Variants in POU6F1 observed in about 807,000 individuals in gnomAD.
POU6F1 encodes POU class 6 homeobox 1, also known as POU domain, class 6, transcription factor 1.
A neutral mutation model predicts 28.9 loss-of-function variants in POU6F1; 9 were observed. That is an observed-to-expected ratio of 0.31 (90% CI 0.19 to 0.54). The LOEUF is 0.54. Among genes scored for constraint, POU6F1 ranks in the 20% least tolerant of loss-of-function variants. POU6F1 has a pLI of 0.94. For synonymous variants in POU6F1, 173 were observed against 171.1 expected, an observed-to-expected ratio of 1.01 and a Z score of -0.09; for missense variants, 338 against 426.1, an observed-to-expected ratio of 0.79 and a Z score of 1.82.
At chr12:51,195,881 G>A in intron 8 of POU6F1, 89 bp downstream of exon 8, 1 of 1,380,128 alleles carries the variant, frequency 7.2e-7, no homozygotes. Flanking sequence ...AGTTTCAGAA[G>A]ATGCTGTCCT....
chr12:51,216,508 A>C (rs1455774340), intron 1 of POU6F1, among the ~76,000 whole-genome samples: 4 of 152,180 alleles, frequency 2.6e-5, no homozygotes, highest in Non-Finnish European at 4.4e-5. Flanking sequence ...CATGGCACTG[A>C]GTGGGTATTT....
chr12:51,190,672 C>T lies in POU6F1; in HGVS notation c.1491-80G>A. Reference sequence around the variant, plus strand: ...CACACCCCGCACCTAGGTGCAGGCTCCATCCTCAAGGGGCCGCTCCTCTAG... The same window carrying T: ...CACACCCCGCACCTAGGTGCAGGCTTCATCCTCAAGGGGCCGCTCCTCTAG... On this transcript the variant is annotated intron_variant, in intron 10 of 10. Coordinates refer to ENST00000333640, the MANE Select transcript of POU6F1 (RefSeq NM_001330422.2). The surrounding 1 kb of genome is among the most constrained non-coding windows in gnomAD (Gnocchi z 4.5). 1 of 1,543,870 alleles carries T rather than the reference C, an allele frequency of 6.5e-7. No individual in the cohort carries two copies. The highest frequency in any genetic ancestry group is 8.7e-7 in the Non-Finnish European group (1 of 1,148,618).
chr12:51,197,321 G>A (rs1463203958), intron 6 of POU6F1, among the ~76,000 whole-genome samples: 4 of 152,138 alleles, frequency 2.6e-5, no homozygotes, highest in African/African-American at 9.7e-5. Context: ...AAGTAACTCG[G>A]GTTAATCTTT....
intron 8 of POU6F1, 33 bp from the exon 9 acceptor site, chr12:51,192,504 C>T (rs1471037409): frequency 1.2e-6 from 2 of 1,604,486 alleles, no homozygotes; most frequent in Admixed American, 3.4e-5. Flanking sequence ...CCTTTGCTGC[C>T]CTCTGCCAGG....
At chr12:51,203,387 C>T (rs759771916) in intron 3 of POU6F1, among the ~76,000 whole-genome samples, 1 of 152,106 alleles carries the variant, frequency 6.6e-6, no homozygotes, top group Non-Finnish European at 1.5e-5. Flanking sequence ...CCTGCCTGGT[C>T]CCCAGGGCAC....
chr12:51,198,882 C>T (rs1592159153), intron 4 of POU6F1, 107 bp from the exon 5 acceptor site: 3 of 397,356 alleles, frequency 7.5e-6, no homozygotes, highest in Non-Finnish European at 4.4e-6. Flanking sequence ...ACAAAGCATT[C>T]TGAGGGCGAT....
rs1379151525 is a variant in POU6F1 at position 51,189,194 on chromosome 12, C to T, written c.*1053G>A. The T allele has an allele frequency of 1.3e-5, 2 of 152,176 alleles. No individual in the cohort carries two copies. The highest frequency in any genetic ancestry group is 6.5e-5 in the Admixed American group (1 of 15,270). 9.4% of individuals were successfully genotyped at this position (152,176 alleles called of 1,614,324 possible). A position where few individuals can be genotyped will look rare whatever the true frequency, so the allele number is the denominator to read the frequency against. ...CACAAGAGACCTTCCTGGGCTCCAT[C>T]ATTTATTTCAGGATGTTGTCCTTTC... On this transcript the variant is annotated 3_prime_UTR_variant, in exon 11 of 11. Transcript: ENST00000333640.
At chr12:51,210,922 A>G (rs1460148951) in intron 1 of POU6F1, among the ~76,000 whole-genome samples, 6 of 152,200 alleles carry the variant, frequency 3.9e-5, no homozygotes, top group African/African-American at 4.8e-5. Context: ...ACAAGTAGAC[A>G]CTCAGCATTT....
intron 1 of POU6F1, chr12:51,207,629 A>G (rs1019746236): frequency 1.3e-5 from 2 of 152,244 alleles, no homozygotes; most frequent in Non-Finnish European, 2.9e-5. Context: ...CACCTGGAGC[A>G]CTTAGTAAAA....
chr12:51,212,935 T>G (rs1213918213), intron 1 of POU6F1, among the ~76,000 whole-genome samples: 1 of 151,932 alleles, frequency 6.6e-6, no homozygotes, highest in Non-Finnish European at 1.5e-5. Context: ...AATGACCTAA[T>G]GCAGTTGTTT....
Position 51,189,260 on chromosome 12 carries a change from C to T in POU6F1, c.*987G>A, listed in dbSNP as rs1258145865. On this transcript the variant is annotated 3_prime_UTR_variant, in exon 11 of 11. Coordinates refer to ENST00000333640, the MANE Select transcript of POU6F1 (RefSeq NM_001330422.2). ...GTCTGGTTTATTGTTTAATTTGCTC[C>T]TTTTGAGAAGGCCCCAGTATTGGGT... 1 of 152,066 alleles carries T rather than the reference C, an allele frequency of 6.6e-6. No individual in the cohort carries two copies. Among genetic ancestry groups the T allele is most frequent in the Non-Finnish European group, 1.5e-5 (1 of 68,024 alleles). 9.4% of individuals were successfully genotyped at this position (152,066 alleles called of 1,614,324 possible). A position where few individuals can be genotyped will look rare whatever the true frequency, so the allele number is the denominator to read the frequency against.
chr12:51,196,203 T>G (rs1592149748), intron 7 of POU6F1, 30 bp from the exon 8 acceptor site: 1 of 1,456,356 alleles, frequency 6.9e-7, no homozygotes, highest in Non-Finnish European at 9.1e-7. Context: ...GGACCCCAGG[T>G]GTGAGGGTAG....
At chr12:51,191,931 T>G (rs1252509831) in intron 9 of POU6F1, among the ~76,000 whole-genome samples, 167 bp from the exon 10 acceptor site, 3 of 151,940 alleles carry the variant, frequency 2.0e-5, no homozygotes, top group African/African-American at 7.3e-5. Context: ...CAAGCAAGAG[T>G]TGAAGGGGCC....
At chr12:51,205,125 A>AC (rs1236323549) in intron 2 of POU6F1, among the ~76,000 whole-genome samples, 11 of 125,902 alleles carry the variant, frequency 8.7e-5, no homozygotes, top group South Asian at 2.5e-4. Flanking sequence ...TGCCAGCTCC[A>AC]CCCCCCCGGG....
In POU6F1 at chr12:51,190,013, G is replaced by A. The variant is rs762359993; in HGVS notation, c.*234C>T. The A allele has an allele frequency of 9.0e-5, 60 of 670,372 alleles. No homozygotes were observed. The highest frequency in any genetic ancestry group is 7.4e-4 in the African/African-American group (41 of 55,272). The allele number at this position is 670,372 out of a possible 1,614,324, so 41.5% of individuals were successfully genotyped here. ...AGTGACGTCACAAATCCTCTTCTTC[G>A]GAGTGACCAGCCCAGAGCCTGGAGC... On this transcript the variant is annotated 3_prime_UTR_variant, in exon 11 of 11. Transcript: ENST00000333640. This position sits in a 1 kb window ranked among gnomAD's most constrained non-coding sequence, Gnocchi z 4.5.
chr12:51,205,963 T>C (rs144473993), intron 2 of POU6F1, among the ~76,000 whole-genome samples: 7 of 149,948 alleles, frequency 4.7e-5, no homozygotes, highest in African/African-American at 1.5e-4. Flanking sequence ...GGATTACAGG[T>C]GCCCACCACC....
At position 51,189,973 on chromosome 12, in the gene POU6F1, C is replaced by T. The variant is rs531367046; in HGVS notation, c.*274G>A. On this transcript the variant is annotated 3_prime_UTR_variant, in exon 11 of 11. Coordinates refer to ENST00000333640, the MANE Select transcript of POU6F1 (RefSeq NM_001330422.2). Reference sequence around the variant, plus strand: ...ATTCACCCTTCAGAAACCATGCTAGCAAGGTGCTTCTCTAAGTGACGTCAC... The same window carrying T: ...ATTCACCCTTCAGAAACCATGCTAGTAAGGTGCTTCTCTAAGTGACGTCAC... 2.5e-5 allele frequency: 12 copies of T among 476,872 alleles called. No individual in the cohort carries two copies. The highest frequency in any genetic ancestry group is 4.4e-5 in the Non-Finnish European group (12 of 270,762). The allele number at this position is 476,872 out of a possible 1,614,324, so 29.5% of individuals were successfully genotyped here.
chr12:51,211,985 G>C (rs1477050904), intron 1 of POU6F1, among the ~76,000 whole-genome samples: 1 of 152,086 alleles, frequency 6.6e-6, no homozygotes, highest in Non-Finnish European at 1.5e-5. Flanking sequence ...GGAGAACTGG[G>C]ATATCCCAAA....
Position 51,187,924 on chromosome 12 carries a change from C to G in POU6F1, c.*2323G>C, listed in dbSNP as rs1221651831. The G allele has an allele frequency of 1.3e-5, 2 of 152,172 alleles. No individual in the cohort carries two copies. Among genetic ancestry groups the G allele is most frequent in the African/African-American group, 4.8e-5 (2 of 41,432 alleles). The allele number at this position is 152,172 out of a possible 1,614,324, so 9.4% of individuals were successfully genotyped here. On this transcript the variant is annotated 3_prime_UTR_variant, in exon 11 of 11. Transcript: ENST00000333640. ...AATGCAAGCGTCTGAGCATGAAAAC[C>G]TGCATCGCCATAAGTTTTTGTTTGT...
Sources: allele counts gnomAD v4.1 joint callset (sites outside exome capture counted in the v4.1 genomes callset), GRCh38; gene constraint gnomAD v4.1.1; non-coding constraint Gnocchi (gnomAD v3.1); transcripts MANE v1.5; gene names NCBI Gene and HGNC (gene_info 2026-07-23, HGNC 2026-07-21).